Variants in CMPK2 observed in about 807,000 individuals in gnomAD.
CMPK2 encodes the protein cytidine/uridine monophosphate kinase 2.
A neutral mutation model predicts 33.4 loss-of-function variants in CMPK2; 32 were observed. The observed-to-expected ratio is 0.96, with a 90% CI of 0.72 to 1.29. The LOEUF is 1.29. CMPK2 is among the 50% of genes most tolerant of loss of function. CMPK2 has a pLI of 0.00. For synonymous variants in CMPK2, 299 were observed against 275.3 expected (o/e 1.09, Z -0.85); for missense variants, 672 against 616.0 (o/e 1.09, Z -0.96).
At chr2:6,855,795 C>G (rs1662688357) in intron 3 of CMPK2, among the ~76,000 whole-genome samples, 1 of 152,172 alleles carries the variant, frequency 6.6e-6, no homozygotes, top group South Asian at 2.1e-4. Flanking sequence ...TTGCCCCTCC[C>G]CCACCACACA....
At chr2:6,843,772 GT>G (rs1267875512), downstream of CMPK2, among the ~76,000 whole-genome samples, 1 of 152,200 alleles carries the variant, frequency 6.6e-6, no homozygotes, top group Non-Finnish European at 1.5e-5. Context: ...AAAATATTGG[GT>G]TAAAGACTTT....
chr2:6,860,979 G>T (rs920001218), intron 3 of CMPK2, among the ~76,000 whole-genome samples: 1 of 152,052 alleles, frequency 6.6e-6, no homozygotes, highest in Non-Finnish European at 1.5e-5. Flanking sequence ...TAATTCTCTA[G>T]CAAATGCCGT....
At chr2:6,862,297 T>C (rs925946442) in intron 2 of CMPK2, among the ~76,000 whole-genome samples, 1 of 152,230 alleles carries the variant, frequency 6.6e-6, no homozygotes, top group Non-Finnish European at 1.5e-5. Context: ...ACAGTTATTA[T>C]TTAATCATCT....
At chr2:6,850,675 T>G in intron 4 of CMPK2, 7 of 870,468 alleles carry the variant, frequency 8.0e-6, no homozygotes, top group Non-Finnish European at 9.7e-6. Context: ...CACTGAAGTT[T>G]AATGGAATTA....
chr2:6,842,230 T>A (rs2103212222), intron 3 of CMPK2, among the ~76,000 whole-genome samples: 1 of 152,264 alleles, frequency 6.6e-6, no homozygotes, highest in African/African-American at 2.4e-5. Flanking sequence ...CATGTTCAGG[T>A]TCTCCAATTT....
At chr2:6,842,061 A>AT (rs1662247254) in intron 3 of CMPK2, among the ~76,000 whole-genome samples, 1 of 152,300 alleles carries the variant, frequency 6.6e-6, no homozygotes, top group Admixed American at 6.5e-5. Flanking sequence ...TGTGCTTTTA[A>AT]TGATGTCATC....
downstream of CMPK2, among the ~76,000 whole-genome samples, chr2:6,848,066 A>G (rs1194307269): frequency 6.6e-6 from 1 of 152,204 alleles, no homozygotes; most frequent in Non-Finnish European, 1.5e-5. Context: ...TCAGTATATA[A>G]AAAGTCCAGG....
intron 1 of CMPK2, among the ~76,000 whole-genome samples, chr2:6,864,807 G>A (rs1350255389): frequency 6.6e-6 from 1 of 152,156 alleles, no homozygotes; most frequent in Non-Finnish European, 1.5e-5. Flanking sequence ...GCTTGGTGTA[G>A]GTCTATGTTC....
intron 3 of CMPK2, among the ~76,000 whole-genome samples, chr2:6,842,918 C>G (rs562035685): frequency 6.6e-6 from 1 of 152,286 alleles, no homozygotes; most frequent in South Asian, 2.1e-4. Flanking sequence ...CGAAGTTTGA[C>G]AGAGCTGAAC....
Position 6,861,363 on chromosome 2 carries a change from T to G in CMPK2, c.813A>C (p.Ser271=), listed in dbSNP as rs569287193. The G allele has an allele frequency of 1.9e-6, 3 of 1,614,170 alleles. No individual in the cohort carries two copies. The South Asian group carries it at 3.3e-5, about 18-fold the overall frequency. ...DATGKTTVTQ[S]VADSLKAVLL... ...GGACAGCCTTAAGTGAATCTGCCAC[T>G]GACTGGGTCACCGTGGTTTTACCTG... Residue 271 remains serine, a synonymous_variant, in exon 3 of 5, where the codon TCA becomes TCC. Coordinates refer to ENST00000256722, the MANE Select transcript of CMPK2 (RefSeq NM_207315.4).
chr2:6,865,606 G>T lies in CMPK2; in HGVS notation c.91C>A (p.Arg31Ser). 7.2e-7 allele frequency: 1 copy of T among 1,394,306 alleles called. No individual in the cohort carries two copies. Among genetic ancestry groups the T allele is most frequent in the Non-Finnish European group, 9.3e-7 (1 of 1,074,072 alleles). 86.4% of individuals were successfully genotyped at this position (1,394,306 alleles called of 1,614,324 possible). ...GVCAGAMAPP[R>S]RFVLELPDCT... ...TCGGGAAGCTCCAGGACGAAGCGGC[G>T]CGGCGGAGCCATGGCCCCAGCGCAG... The change falls in exon 1 of 5, where the codon CGC becomes AGC. Residue 31 changes from arginine to serine, a missense_variant. By Grantham distance (110) the Arg-to-Ser change is moderately radical. Transcript: ENST00000256722.
At chr2:6,852,293 A>G (rs564136290) in intron 3 of CMPK2, among the ~76,000 whole-genome samples, 1 of 152,324 alleles carries the variant, frequency 6.6e-6, no homozygotes, top group East Asian at 1.9e-4. Flanking sequence ...GGCTGTTTTA[A>G]AAAGTGATTT....
At chr2:6,852,691 G>T (rs1439243292) in intron 3 of CMPK2, among the ~76,000 whole-genome samples, 2 of 152,000 alleles carry the variant, frequency 1.3e-5, no homozygotes, top group African/African-American at 4.8e-5. Flanking sequence ...TGCATGTCTG[G>T]CACATAATAG....
chr2:6,853,021 C>G (rs967334938), intron 3 of CMPK2, among the ~76,000 whole-genome samples: 1 of 152,214 alleles, frequency 6.6e-6, no homozygotes, highest in African/African-American at 2.4e-5. Context: ...ACGATCTCAG[C>G]TCACTGCAAC....
intron 3 of CMPK2, among the ~76,000 whole-genome samples, chr2:6,858,632 C>T (rs1237089587): frequency 2.6e-5 from 4 of 152,192 alleles, no homozygotes; most frequent in African/African-American, 9.6e-5. Context: ...AGTTTCCCTA[C>T]ACAAGCTCTC....
At position 6,848,660 on chromosome 2, in the gene CMPK2, C is replaced by T; in HGVS notation, c.*1190G>A. On this transcript the variant is annotated 3_prime_UTR_variant, in exon 5 of 5. Transcript: ENST00000256722. ...TTTAATTATTTTGGAGTAATGTCTT[C>T]TTAAGAAATGGTAGATAGGATAAAA... The T allele has an allele frequency of 3.1e-6, 3 of 978,434 alleles. No individual in the cohort carries two copies. Among genetic ancestry groups the T allele is most frequent in the Non-Finnish European group, 3.6e-6 (3 of 823,250 alleles). 60.6% of individuals were successfully genotyped at this position (978,434 alleles called of 1,614,324 possible).
chr2:6,845,829 T>C (rs185358750), downstream of CMPK2, among the ~76,000 whole-genome samples: 17 of 152,292 alleles, frequency 1.1e-4, no homozygotes, highest in East Asian at 1.7e-3. Flanking sequence ...AAAAATCCCA[T>C]TGTAGTTGAA....
At position 6,865,456 on chromosome 2, in the gene CMPK2, G is replaced by A; in HGVS notation, c.241C>T (p.Pro81Ser). 2.3e-6 allele frequency: 3 copies of A among 1,278,006 alleles called. No individual in the cohort carries two copies. The highest frequency in any genetic ancestry group is 2.9e-6 in the Non-Finnish European group (3 of 1,017,128). The allele number at this position is 1,278,006 out of a possible 1,614,324, so 79.2% of individuals were successfully genotyped here. A position where few individuals can be genotyped will look rare whatever the true frequency, so the allele number is the denominator to read the frequency against. The change falls in exon 1 of 5, where the codon CCG becomes TCG. Residue 81 changes from proline to serine, a missense_variant. By Grantham distance (74) the Pro-to-Ser change is moderately conservative. Coordinates refer to ENST00000256722, the MANE Select transcript of CMPK2 (RefSeq NM_207315.4). ...ACCCGGGCCCCGCAGCCGGCGTCCG[G>A]GGTCACGGGCACGCACAGCGAGTAG... ...RSYSLCVPVT[P>S]DAGCGARVRA...
At chr2:6,862,741 C>T (rs887496009) in intron 2 of CMPK2, among the ~76,000 whole-genome samples, 4 of 152,294 alleles carry the variant, frequency 2.6e-5, no homozygotes, top group African/African-American at 9.6e-5. Context: ...GCCACATCTC[C>T]CTAGCTGGGT....
Sources: gnomAD v4.1 joint callset for allele counts (sites outside exome capture counted in the v4.1 genomes callset) on GRCh38, gnomAD v4.1.1 for gene constraint, MANE v1.5 for transcripts, NCBI Gene and HGNC (gene_info 2026-07-23, HGNC 2026-07-21) for gene names.